The following IMPDH2 variants were observed in gnomAD, a reference collection of about 807,000 sequenced individuals.
IMPDH2 encodes the protein inosine monophosphate dehydrogenase 2.
In IMPDH2, 33 loss-of-function variants were observed where a neutral mutation model predicts 57.8. The observed-to-expected ratio is 0.57, with a 90% CI of 0.43 to 0.76. The LOEUF (loss-of-function observed/expected upper bound fraction) is 0.76, where lower values mean the gene tolerates loss of function less well. Among genes scored for constraint, IMPDH2 ranks in the 30% least tolerant of loss-of-function variants. The pLI is 0.00. For synonymous variants in IMPDH2, 270 were observed against 241.3 expected (o/e 1.12, Z -1.10); for missense variants, 446 against 659.1 (o/e 0.68, Z 3.54).
At chr3:49,026,254 G>A (rs780130916) in intron 9 of IMPDH2, 70 bp downstream of exon 9, 88 of 1,163,818 alleles carry the variant, frequency 7.6e-5, no homozygotes, top group Non-Finnish European at 1.0e-4. Context: ...CCCCATAAGA[G>A]TGCTTGGTTC....
intron 9 of IMPDH2, among the ~76,000 whole-genome samples, chr3:49,025,725 G>A (rs1306375691): frequency 1.3e-5 from 2 of 152,236 alleles, no homozygotes; most frequent in African/African-American, 4.8e-5. Flanking sequence ...GGGAGAGCAA[G>A]GACCACACAA....
intron 1 of IMPDH2, 93 bp from the exon 2 acceptor site, chr3:49,028,899 T>C (rs963197291): frequency 1.0e-6 from 1 of 1,004,388 alleles, no homozygotes; most frequent in South Asian, 1.3e-5. Context: ...GTAACGCATG[T>C]GAGCAGAGAG....
intron 5 of IMPDH2, 24 bp from the exon 6 acceptor site, chr3:49,027,071 G>C (rs948306045): frequency 6.5e-7 from 1 of 1,539,730 alleles, no homozygotes; most frequent in East Asian, 2.2e-5. Context: ...GAGATGTGAA[G>C]AAGGGCCAGT....
rs774241147 is a variant in IMPDH2 at position 49,028,339 on chromosome 3, GACT to G, written c.250-20_250-18del. 6 of 1,612,626 alleles carry G rather than the reference GACT, an allele frequency of 3.7e-6. No individual in the cohort carries two copies. The highest frequency in any genetic ancestry group is 1.3e-5 in the African/African-American group (1 of 74,870). ...GCCTGTAAGCTACAGGATAAAAAGA[GACT>G]ACTACTAAGTGACAAGAAGCAGGAC... On this transcript the variant is annotated intron_variant, in intron 3 of 13. Coordinates refer to ENST00000326739, the MANE Select transcript of IMPDH2 (RefSeq NM_000884.3).
chr3:49,024,483 A>G lies in IMPDH2; in HGVS notation c.1523+12T>C. On this transcript the variant is annotated intron_variant, in intron 13 of 13. Coordinates refer to ENST00000326739, the MANE Select transcript of IMPDH2 (RefSeq NM_000884.3). ...GTATGGCAGAGGCCCCACCAAGGACAGGGTGACTTACGAATGGAGGCTATG... is the reference window on the plus strand; with the variant it reads ...GTATGGCAGAGGCCCCACCAAGGACGGGGTGACTTACGAATGGAGGCTATG... 8 of 1,614,196 alleles carry G rather than the reference A, an allele frequency of 5.0e-6. No homozygotes were observed. The highest frequency in any genetic ancestry group is 6.8e-6 in the Non-Finnish European group (8 of 1,179,984).
At position 49,027,058 on chromosome 3, in the gene IMPDH2, G is replaced by A. The variant is rs752734170; in HGVS notation, c.532-11C>T. 1.3e-6 allele frequency: 2 copies of A among 1,594,538 alleles called. No individual in the cohort carries two copies. Among genetic ancestry groups the A allele is most frequent in the Admixed American group, 3.3e-5 (2 of 60,008 alleles). On this transcript the variant is annotated splice_polypyrimidine_tract_variant and intron_variant, in intron 5 of 13. Coordinates refer to ENST00000326739, the MANE Select transcript of IMPDH2 (RefSeq NM_000884.3). ...CCTCTTTGTCATTATCTACGTGGGA[G>A]GTGAGATGTGAAGAAGGGCCAGTCA...
chr3:49,026,275 G>A, intron 9 of IMPDH2, 49 bp downstream of exon 9: 1 of 1,331,494 alleles, frequency 7.5e-7, no homozygotes, highest in East Asian at 2.4e-5. Flanking sequence ...CAAGGTATGT[G>A]GGGCCTGAAA....
intron 4 of IMPDH2, 159 bp downstream of exon 4, chr3:49,028,089 T>C (rs2093207125): frequency 1.3e-6 from 1 of 781,956 alleles, no homozygotes; most frequent in South Asian, 1.6e-5. Flanking sequence ...ACCTGGTCTA[T>C]TGCTGCTGCT....
chr3:49,025,382 G>A, intron 9 of IMPDH2, 113 bp from the exon 10 acceptor site: 1 of 1,125,384 alleles, frequency 8.9e-7, no homozygotes, highest in South Asian at 1.3e-5. Flanking sequence ...CAGGACTGCA[G>A]CTTGGCTGAG....
chr3:49,029,098 C>A (rs890077206), intron 1 of IMPDH2, 155 bp downstream of exon 1: 6 of 697,494 alleles, frequency 8.6e-6, no homozygotes, highest in Middle Eastern at 4.7e-4. Flanking sequence ...AAGCACCGCT[C>A]CAGATGTCTC....
chr3:49,025,982 G>A (rs764450658), intron 9 of IMPDH2: 8 of 473,898 alleles, frequency 1.7e-5, no homozygotes, highest in Non-Finnish European at 2.5e-5. Flanking sequence ...CCAGTGGGCC[G>A]GGCTGGACTT....
In IMPDH2 at chr3:49,026,784, T is replaced by C; in HGVS notation, c.722A>G (p.Lys241Arg). 6.2e-7 allele frequency: 1 copy of C among 1,614,254 alleles called. No individual in the cohort carries two copies. The highest frequency in any genetic ancestry group is 2.2e-5 in the East Asian group (1 of 44,886). Residue 241 changes from lysine (K) to arginine (R), a missense_variant, in exon 7 of 14, where the codon AAG becomes AGG. Coordinates refer to ENST00000326739, the MANE Select transcript of IMPDH2 (RefSeq NM_000884.3). ...RDYPLASKDA[K>R]KQLLCGAAIG... ...GGCTGCCCCACACAGCAGCTGTTTC[T>C]TGGCATCTTTGGAGGCTAGTGGGTA...
intron 4 of IMPDH2, 68 bp from the exon 5 acceptor site, chr3:49,027,984 C>A (rs2093206590): frequency 1.7e-6 from 2 of 1,211,922 alleles, no homozygotes; most frequent in South Asian, 1.3e-5. Context: ...TGATCTGAAG[C>A]ATGGGGTCTC....
In IMPDH2 at chr3:49,024,817, A is replaced by G. The variant is rs181011821; in HGVS notation, c.1296-15T>C. ...TGTCAGCTTCACTGCAGGGAGAGGC[A>G]GAGACACGGGCAAGGTCACAGCAGA... On this transcript the variant is annotated splice_polypyrimidine_tract_variant and intron_variant, in intron 11 of 13. Coordinates refer to ENST00000326739, the MANE Select transcript of IMPDH2 (RefSeq NM_000884.3). 2 of 1,614,198 alleles carry G rather than the reference A, an allele frequency of 1.2e-6. No individual in the cohort carries two copies. Among genetic ancestry groups the G allele is most frequent in the African/African-American group, 1.3e-5 (1 of 75,056 alleles).
intron 1 of IMPDH2, chr3:49,029,025 G>A: frequency 1.5e-6 from 1 of 646,320 alleles, no homozygotes; most frequent in Non-Finnish European, 2.8e-6. Context: ...AATTCCATGT[G>A]TCTGGAGCAT....
chr3:49,027,983 G>A (rs1352226363), intron 4 of IMPDH2, 67 bp from the exon 5 acceptor site: 4 of 1,223,616 alleles, frequency 3.3e-6, no homozygotes, highest in Non-Finnish European at 4.7e-6. Context: ...TTGATCTGAA[G>A]CATGGGGTCT....
At chr3:49,026,287 T>C (rs1395308817) in intron 9 of IMPDH2, 37 bp downstream of exon 9, 2 of 1,422,158 alleles carry the variant, frequency 1.4e-6, no homozygotes, top group East Asian at 2.4e-5. Flanking sequence ...GGCCTGAAAC[T>C]GGGGTCTCTG....
At chr3:49,027,080 G>A (rs568009322) in intron 5 of IMPDH2, 33 bp from the exon 6 acceptor site, 4 of 1,480,250 alleles carry the variant, frequency 2.7e-6, no homozygotes, top group Non-Finnish European at 3.8e-6. Context: ...AGAAGGGCCA[G>A]TCATCGACTA....
At chr3:49,024,451 G>A in intron 13 of IMPDH2, 44 bp downstream of exon 13, 3 of 1,614,146 alleles carry the variant, frequency 1.9e-6, no homozygotes, top group Non-Finnish European at 2.5e-6. Flanking sequence ...GAGAAAGGAG[G>A]CATGAGGTAT....
Sources: allele counts gnomAD v4.1 joint callset (sites outside exome capture counted in the v4.1 genomes callset), GRCh38; gene constraint gnomAD v4.1.1; transcripts MANE v1.5; gene names NCBI Gene and HGNC (gene_info 2026-07-23, HGNC 2026-07-21).